Variants in VIT observed in about 807,000 individuals in gnomAD.
The protein encoded by VIT is vitrin.
In VIT, 99 loss-of-function variants were observed where a neutral mutation model predicts 78.0. The observed-to-expected ratio is 1.27, with a 90% CI of 1.08 to 1.50. VIT has a LOEUF of 1.50. Among genes scored for constraint, VIT ranks in the 40% most tolerant of loss-of-function variants. The pLI is 0.00. For missense variants in VIT, 1,126 were observed against 875.3 expected (o/e 1.29, Z -3.61); for synonymous variants, 374 against 334.3 (o/e 1.12, Z -1.29).
intron 14 of VIT, 28 bp from the exon 15 acceptor site, chr2:36,808,444 G>A (rs1466905662): frequency 6.3e-7 from 1 of 1,576,094 alleles, no homozygotes; most frequent in African/African-American, 1.3e-5. Context: ...CCCTGACGTG[G>A]CGTGGGTCCC....
chr2:36,710,451 G>A (rs1665731857), intron 1 of VIT, among the ~76,000 whole-genome samples: 1 of 152,086 alleles, frequency 6.6e-6, no homozygotes, highest in Non-Finnish European at 1.5e-5. Flanking sequence ...TATGAATACT[G>A]TGAAACCATC....
At chr2:36,791,162 C>A (rs1665473914) in intron 12 of VIT, among the ~76,000 whole-genome samples, 1 of 152,200 alleles carries the variant, frequency 6.6e-6, no homozygotes, top group Non-Finnish European at 1.5e-5. Context: ...ATCAAATAGA[C>A]TTTTCCTTGC....
At chr2:36,809,660 C>T (rs1667006779) in intron 15 of VIT, among the ~76,000 whole-genome samples, 1 of 152,202 alleles carries the variant, frequency 6.6e-6, no homozygotes, top group South Asian at 2.1e-4. Context: ...GGTGATCCTC[C>T]TGCCTTGGCC....
intron 7 of VIT, among the ~76,000 whole-genome samples, chr2:36,768,839 T>C (rs1478034014): frequency 6.6e-6 from 1 of 152,226 alleles, no homozygotes; most frequent in Non-Finnish European, 1.5e-5. Flanking sequence ...TATATCTCAT[T>C]TACCAGGTAT....
intron 1 of VIT, among the ~76,000 whole-genome samples, chr2:36,712,998 A>C (rs1026916147): frequency 1.3e-5 from 2 of 152,248 alleles, no homozygotes; most frequent in African/African-American, 4.8e-5. Flanking sequence ...CAAAAACTCA[A>C]ATAAAAATCC....
In VIT at chr2:36,808,888, G is replaced by T; in HGVS notation, c.1806G>T (p.Lys602Asn). 1 of 1,614,166 alleles carries T rather than the reference G, an allele frequency of 6.2e-7. No individual in the cohort carries two copies. Among genetic ancestry groups the T allele is most frequent in the Non-Finnish European group, 8.5e-7 (1 of 1,180,032 alleles). ...AINFALEQLF[K>N]KSKPNKRKLM... The stretch of plus-strand genomic sequence containing the variant: ...ACTTCGCCCTGGAGCAGCTCTTCAA[G>T]AAGTCCAAGCCCAACAAGAGGAAGT... The change falls in exon 15 of 16, where the codon AAG becomes AAT. Residue 602 changes from lysine to asparagine, a missense_variant. Physicochemically the swap from Lys to Asn is moderately conservative, Grantham distance 94. Transcript: ENST00000379242.
intron 12 of VIT, among the ~76,000 whole-genome samples, chr2:36,789,310 T>G (rs1433410662): frequency 6.6e-6 from 1 of 152,186 alleles, no homozygotes; most frequent in Non-Finnish European, 1.5e-5. Flanking sequence ...GATGATTTAT[T>G]AGGGCTCTGC....
intron 3 of VIT, among the ~76,000 whole-genome samples, chr2:36,740,599 A>AT (rs1179123418): frequency 6.6e-6 from 1 of 151,970 alleles, no homozygotes; most frequent in Non-Finnish European, 1.5e-5. Flanking sequence ...GCCTGATTTC[A>AT]TTTTTTTCCC....
chr2:36,756,876 A>C (rs1668797740), intron 5 of VIT, among the ~76,000 whole-genome samples: 1 of 152,322 alleles, frequency 6.6e-6, no homozygotes, highest in African/African-American at 2.4e-5. Context: ...CAAGAATCTC[A>C]ACAGAGGTTT....
At chr2:36,760,013 T>TTG (rs1558547102) in intron 6 of VIT, among the ~76,000 whole-genome samples, 1 of 150,174 alleles carries the variant, frequency 6.7e-6, no homozygotes. Flanking sequence ...TTTCTTTTTT[T>TTG]GAGACGGAGT....
chr2:36,765,745 A>G (rs539844575), intron 6 of VIT, among the ~76,000 whole-genome samples: 2 of 152,384 alleles, frequency 1.3e-5, no homozygotes, highest in South Asian at 4.1e-4. Flanking sequence ...CAGAAGAGGC[A>G]AGACACAGAG....
At chr2:36,774,808 C>G (rs544561698) in intron 8 of VIT, 194 bp from the exon 9 acceptor site, 1 of 985,294 alleles carries the variant, frequency 1.0e-6, no homozygotes, top group African/African-American at 1.7e-5. Context: ...ATCCATGGAG[C>G]ACTGTTTCCT....
At chr2:36,712,222 G>C (rs12474791) in intron 1 of VIT, among the ~76,000 whole-genome samples, 26 of 152,150 alleles carry the variant, frequency 1.7e-4, no homozygotes, top group Middle Eastern at 3.2e-3. Flanking sequence ...AGCAAGCGTA[G>C]AAATTGCAGC....
intron 9 of VIT, among the ~76,000 whole-genome samples, chr2:36,775,912 G>C (rs1259745061): frequency 6.6e-6 from 1 of 152,162 alleles, no homozygotes. Flanking sequence ...AGAACATTTG[G>C]AGTTCTTAGA....
At position 36,808,397 on chromosome 2, in the gene VIT, G is replaced by A. The variant is rs559209955; in HGVS notation, c.1390-75G>A. The stretch of plus-strand genomic sequence containing the variant: ...GCCTGCTTGCTTCTTCACCTGCCCC[G>A]GGGGATCAAGCCTAATGGTGACACT... On this transcript the variant is annotated intron_variant, in intron 14 of 15. Coordinates refer to ENST00000379242, the MANE Select transcript of VIT (RefSeq NM_053276.4). The A allele has an allele frequency of 4.5e-4, 672 of 1,508,124 alleles. 3 individuals carry two copies. In the South Asian group the frequency reaches 6.2e-3, roughly 14 times the overall value. The allele number at this position is 1,508,124 out of a possible 1,614,324, so 93.4% of individuals were successfully genotyped here.
At chr2:36,807,990 T>C (rs930804178) in intron 14 of VIT, among the ~76,000 whole-genome samples, 6 of 152,222 alleles carry the variant, frequency 3.9e-5, no homozygotes, top group Non-Finnish European at 1.5e-5. Context: ...ATTCAGCAAC[T>C]GTGGGATCCC....
At chr2:36,754,893 C>T (rs1421391391) in intron 4 of VIT, 28 bp from the exon 5 acceptor site, 1 of 1,599,716 alleles carries the variant, frequency 6.3e-7, no homozygotes, top group Admixed American at 1.7e-5. Flanking sequence ...TCTGTTCTTT[C>T]CTGAAAAATT....
At chr2:36,742,607 A>G (rs961450875) in intron 3 of VIT, among the ~76,000 whole-genome samples, 1 of 152,044 alleles carries the variant, frequency 6.6e-6, no homozygotes, top group African/African-American at 2.4e-5. Context: ...CCAATCTACC[A>G]TCCTCCCACC....
At position 36,754,958 on chromosome 2, in the gene VIT, C is replaced by T. The variant is rs751810783; in HGVS notation, c.313C>T (p.Arg105Trp). The T allele has an allele frequency of 5.0e-6, 8 of 1,614,074 alleles. No homozygotes were observed. Among genetic ancestry groups the T allele is most frequent in the African/African-American group, 1.3e-5 (1 of 75,022 alleles). Residue 105 changes from arginine (R) to tryptophan (W), a missense_variant, in exon 5 of 16, where the codon CGG becomes TGG. By Grantham distance (101) the Arg-to-Trp change is moderately radical (BLOSUM62 -3). Coordinates refer to ENST00000379242, the MANE Select transcript of VIT (RefSeq NM_053276.4). Reference protein sequence around the residue: ...LDNSGGKILVRKVAGQSGYKG... With the variant: ...LDNSGGKILVWKVAGQSGYKG... Reference sequence around the variant, plus strand: ...TAATTCAGGAGGGAAAATACTTGTTCGGAAGGTTGCTGGACAGTCTGGTTA... The same window carrying T: ...TAATTCAGGAGGGAAAATACTTGTTTGGAAGGTTGCTGGACAGTCTGGTTA...
Sources: allele counts gnomAD v4.1 joint callset (sites outside exome capture counted in the v4.1 genomes callset), GRCh38; gene constraint gnomAD v4.1.1; transcripts MANE v1.5; gene names NCBI Gene and HGNC (gene_info 2026-07-23, HGNC 2026-07-21).